The following AKAP6 variants were observed in gnomAD, a reference collection of about 807,000 sequenced individuals.
The protein encoded by AKAP6 is A-kinase anchoring protein 6.
Under a neutral mutation model 188.5 loss-of-function variants are expected in AKAP6, and 58 were observed. The ratio of observed to expected loss-of-function variants is 0.31; its 90% CI spans 0.25 to 0.38. The LOEUF (loss-of-function observed/expected upper bound fraction) is 0.38, where lower values mean the gene tolerates loss of function less well. AKAP6 is among the 10% of genes least tolerant of loss of function. The probability of loss-of-function intolerance (pLI) is 1.00; values close to 1 mark genes in which losing one functional copy is unlikely to be tolerated. For synonymous variants in AKAP6, 989 were observed against 998.6 expected, an observed-to-expected ratio of 0.99 and a Z score of 0.18; for missense variants, 2,710 against 2,740.0, an observed-to-expected ratio of 0.99 and a Z score of 0.24.
At chr14:32,436,461 C>T in intron 2 of AKAP6, among the ~76,000 whole-genome samples, 1 of 152,166 alleles carries the variant, frequency 6.6e-6, no homozygotes, top group African/African-American at 2.4e-5. Flanking sequence ...TCAACAAGTC[C>T]TGGGAATCCA....
intron 7 of AKAP6, among the ~76,000 whole-genome samples, chr14:32,672,409 T>C (rs1360610448): frequency 1.3e-5 from 2 of 152,160 alleles, no homozygotes; most frequent in African/African-American, 2.4e-5. Context: ...AGGCTGGAAG[T>C]CCAAGATTGA....
intron 1 of AKAP6, among the ~76,000 whole-genome samples, chr14:32,375,525 A>C (rs970936868): frequency 2.7e-5 from 4 of 150,778 alleles, no homozygotes; most frequent in Non-Finnish European, 5.9e-5. Flanking sequence ...TGGCTAAAGG[A>C]ATTCTAAGGA....
rs146796743 is a variant in AKAP6 at position 32,803,554 on chromosome 14, A to T, written c.3589-17848A>T. ...CGAGCTCAAATACCTCCTCTTCCCA[A>T]ATTTCTTTCTGACTACTCTTATTTT... On this transcript the variant is annotated intron_variant, in intron 12 of 13. Transcript: ENST00000280979. Among the ~76,000 whole-genome samples the T allele has an allele frequency of 5.1e-4, 78 of 152,134 alleles. No homozygotes were observed. In the East Asian group the frequency reaches 0.013, roughly 26 times the overall value.
intron 1 of AKAP6, among the ~76,000 whole-genome samples, chr14:32,432,004 A>C (rs924163444): frequency 6.6e-6 from 1 of 152,180 alleles, no homozygotes; most frequent in African/African-American, 2.4e-5. Flanking sequence ...TTCTAGTCAA[A>C]TTGGAAGCAT....
intron 11 of AKAP6, among the ~76,000 whole-genome samples, chr14:32,764,001 A>G (rs1376764257): frequency 1.3e-5 from 2 of 152,214 alleles, no homozygotes; most frequent in Non-Finnish European, 2.9e-5. Flanking sequence ...AGTTAAACAC[A>G]TAATTGGCTA....
At chr14:32,578,151 A>G (rs1950704) in intron 5 of AKAP6, among the ~76,000 whole-genome samples, 78,403 of 151,936 alleles carry the variant, frequency 0.52, 22,536 homozygotes, top group East Asian at 0.81. Context: ...TCCTACCTGT[A>G]TGCGAGTTCA....
At chr14:32,370,237 A>G (rs1887964976) in intron 1 of AKAP6, among the ~76,000 whole-genome samples, 2 of 152,118 alleles carry the variant, frequency 1.3e-5, no homozygotes, top group Admixed American at 6.5e-5. Context: ...CAAACCAGAA[A>G]CTGCTGTTGG....
At chr14:32,572,421 A>G (rs1447261529) in intron 4 of AKAP6, among the ~76,000 whole-genome samples, 1 of 152,198 alleles carries the variant, frequency 6.6e-6, no homozygotes, top group African/African-American at 2.4e-5. Context: ...CAGGGGCCAT[A>G]TCTTGTTTTC....
intron 7 of AKAP6, among the ~76,000 whole-genome samples, chr14:32,631,671 G>T (rs775607271): frequency 2.0e-5 from 3 of 152,222 alleles, no homozygotes; most frequent in Non-Finnish European, 2.9e-5. Context: ...TGTAGCTCAT[G>T]ATGCTAGTTG....
chr14:32,337,826 C>T (rs1886761512), intron 1 of AKAP6, among the ~76,000 whole-genome samples: 2 of 149,650 alleles, frequency 1.3e-5, no homozygotes, highest in Admixed American at 6.8e-5. Context: ...AGTTGAAAGG[C>T]AGAGGATGGA....
At chr14:32,753,202 A>G (rs981648628) in intron 11 of AKAP6, among the ~76,000 whole-genome samples, 15 of 152,116 alleles carry the variant, frequency 9.9e-5, no homozygotes, top group African/African-American at 3.6e-4. Context: ...TATCCTTGCT[A>G]ACACTTGCTA....
intron 1 of AKAP6, among the ~76,000 whole-genome samples, chr14:32,373,021 G>T (rs560972517): frequency 6.6e-6 from 1 of 151,420 alleles, no homozygotes; most frequent in East Asian, 2.0e-4. Context: ...AATTTTGAGA[G>T]AATTTTTGAT....
intron 7 of AKAP6, among the ~76,000 whole-genome samples, chr14:32,617,458 C>T (rs992178666): frequency 6.6e-6 from 1 of 152,158 alleles, no homozygotes; most frequent in Non-Finnish European, 1.5e-5. Flanking sequence ...AGATATTCCT[C>T]AAGCTGCATT....
chr14:32,548,501 T>C lies in AKAP6; in HGVS notation c.2346+1502T>C, dbSNP rs1036799564. Among the ~76,000 whole-genome samples, 7 of 151,834 alleles carry C rather than the reference T, an allele frequency of 4.6e-5. No homozygotes were observed. In the East Asian group the frequency reaches 1.4e-3, roughly 29 times the overall value. Reference sequence around the variant, plus strand: ...TTTACAGAGATGGAAACAGCCTCCATGAGCTTAAGTGATTTTTCTCAAGCT... The same window carrying C: ...TTTACAGAGATGGAAACAGCCTCCACGAGCTTAAGTGATTTTTCTCAAGCT... On this transcript the variant is annotated intron_variant, in intron 4 of 13. Coordinates refer to ENST00000280979, the MANE Select transcript of AKAP6 (RefSeq NM_004274.5).
chr14:32,821,886 A>G lies in AKAP6; in HGVS notation c.4073A>G (p.Gln1358Arg). The change falls in exon 13 of 14, where the codon CAG (glutamine) becomes CGG (arginine). Residue 1358 changes from glutamine to arginine, a missense_variant. By Grantham distance (43) the Gln-to-Arg change is conservative. Around this residue, in one of 2 missense-constraint regions of AKAP6, gnomAD observed 2,473 missense variants for 2,426.1 expected, o/e 1.02. Coordinates refer to ENST00000280979, the MANE Select transcript of AKAP6 (RefSeq NM_004274.5). ...GCATGTCATGGAGGAGACATGAGCC[A>G]GAATTCAGGCAGTGAGAGTGGAATT... is the stretch of plus-strand genomic sequence containing the variant. Reference protein sequence around the residue: ...PCACHGGDMSQNSGSESGIVS... With the variant: ...PCACHGGDMSRNSGSESGIVS... The G allele has an allele frequency of 6.2e-7, 1 of 1,614,006 alleles. No individual in the cohort carries two copies. Among genetic ancestry groups the G allele is most frequent in the Non-Finnish European group, 8.5e-7 (1 of 1,179,944 alleles).
intron 1 of AKAP6, among the ~76,000 whole-genome samples, chr14:32,358,157 C>T (rs867384888): frequency 1.3e-5 from 2 of 152,182 alleles, no homozygotes; most frequent in Non-Finnish European, 2.9e-5. Flanking sequence ...GGTTCTGAAA[C>T]ATCATGTGCA....
intron 9 of AKAP6, among the ~76,000 whole-genome samples, chr14:32,727,572 A>G (rs2030934070): frequency 6.6e-6 from 1 of 152,206 alleles, no homozygotes; most frequent in South Asian, 2.1e-4. Context: ...TGGCCAGTGT[A>G]ATGTGATTTC....
intron 4 of AKAP6, among the ~76,000 whole-genome samples, chr14:32,548,947 C>T (rs1883330632): frequency 6.6e-6 from 1 of 152,048 alleles, no homozygotes; most frequent in Non-Finnish European, 1.5e-5. Flanking sequence ...TCGAATACTA[C>T]TCTGAGACCA....
In AKAP6 at chr14:32,668,279, G is replaced by T. The variant is rs540188762; in HGVS notation, c.2731-10032G>T. On this transcript the variant is annotated intron_variant, in intron 7 of 13. Transcript: ENST00000280979. Reference sequence around the variant, plus strand: ...ACAGGCATTACAAAAAGGAGAGGGTGGTAGTAGATAAAAGCTCTTCACAAA... The same window carrying T: ...ACAGGCATTACAAAAAGGAGAGGGTTGTAGTAGATAAAAGCTCTTCACAAA... Among the ~76,000 whole-genome samples, 114 of 152,150 alleles carry T rather than the reference G, an allele frequency of 7.5e-4. 1 individual carries two copies. The South Asian group carries it at 0.022, about 29-fold the overall frequency.
Sources: allele counts gnomAD v4.1 joint callset (sites outside exome capture counted in the v4.1 genomes callset), GRCh38; gene constraint gnomAD v4.1.1; regional missense constraint gnomAD v4.1.1; transcripts MANE v1.5; gene names NCBI Gene and HGNC (gene_info 2026-07-23, HGNC 2026-07-21).